Variants in SACM1L observed in about 807,000 individuals in gnomAD.
SACM1L encodes the protein phosphatidylinositol-3-phosphatase SAC1.
Under a neutral mutation model 89.5 loss-of-function variants are expected in SACM1L, and 32 were observed. The observed-to-expected ratio is 0.36, with a 90% CI of 0.27 to 0.48. The LOEUF (loss-of-function observed/expected upper bound fraction) is 0.48. Ranked by LOEUF, SACM1L falls within the 20% of genes least tolerant of loss-of-function variation. The pLI is 0.99. For missense variants in SACM1L, 543 were observed against 708.5 expected, an observed-to-expected ratio of 0.77 and a Z score of 2.65; for synonymous variants, 213 against 232.8, an observed-to-expected ratio of 0.92 and a Z score of 0.77.
intron 1 of SACM1L, among the ~76,000 whole-genome samples, chr3:45,692,271 G>A (rs1396685551): frequency 6.6e-6 from 1 of 151,976 alleles, no homozygotes; most frequent in African/African-American, 2.4e-5. Context: ...TCTGTAAAAT[G>A]GGAATGTTGA....
chr3:45,742,890 T>G (rs1357746807), intron 19 of SACM1L: 2 of 152,180 alleles, frequency 1.3e-5, no homozygotes, highest in African/African-American at 4.8e-5. Flanking sequence ...GGACAAAACT[T>G]TCATGCTGAT....
chr3:45,733,358 A>G (rs560712845), intron 13 of SACM1L, among the ~76,000 whole-genome samples: 14 of 152,326 alleles, frequency 9.2e-5, no homozygotes, highest in African/African-American at 3.4e-4. Context: ...ACCCAGGGCC[A>G]CTTAGTTATC....
intron 19 of SACM1L, among the ~76,000 whole-genome samples, chr3:45,741,347 A>G (rs1455522265): frequency 6.6e-6 from 1 of 151,998 alleles, no homozygotes; most frequent in Non-Finnish European, 1.5e-5. Context: ...ATAGGGAGTT[A>G]TTTTTCAGAG....
chr3:45,696,330 A>G (rs1007585776), intron 1 of SACM1L, among the ~76,000 whole-genome samples: 3 of 152,178 alleles, frequency 2.0e-5, no homozygotes, highest in Admixed American at 6.5e-5. Flanking sequence ...ATAATATTCC[A>G]TTATATGTAT....
At chr3:45,734,932 G>A (rs2125704722) in intron 13 of SACM1L, 1 of 238,242 alleles carries the variant, frequency 4.2e-6, no homozygotes, top group East Asian at 8.8e-5. Flanking sequence ...ATCTGGCTTT[G>A]GGAAACATGA....
intron 13 of SACM1L, 73 bp from the exon 14 acceptor site, chr3:45,735,162 A>C (rs1161172349): frequency 7.4e-7 from 1 of 1,344,986 alleles, no homozygotes; most frequent in African/African-American, 1.5e-5. Flanking sequence ...AATGAGACCC[A>C]TGTTATAAGA....
At chr3:45,734,991 A>G (rs1403938072) in intron 13 of SACM1L, 1 of 396,828 alleles carries the variant, frequency 2.5e-6, no homozygotes, top group East Asian at 4.0e-5. Flanking sequence ...ACTTTTTCAC[A>G]TCTTTGGGGT....
At chr3:45,700,910 G>A (rs1698250658) in intron 1 of SACM1L, among the ~76,000 whole-genome samples, 1 of 152,176 alleles carries the variant, frequency 6.6e-6, no homozygotes. Context: ...GACCTTAAAT[G>A]ATCCACCTGC....
chr3:45,697,268 CCTTTTTTT>C (rs1374998854), intron 1 of SACM1L, among the ~76,000 whole-genome samples: 2 of 110,612 alleles, frequency 1.8e-5, no homozygotes, highest in African/African-American at 8.3e-5. Context: ...CTTTTCTTTT[CCTTTTTTT>C]TTTTTTTTTT....
chr3:45,723,043 A>G, intron 10 of SACM1L, 88 bp downstream of exon 10: 2 of 1,121,400 alleles, frequency 1.8e-6, no homozygotes, highest in Non-Finnish European at 2.6e-6. Flanking sequence ...TTTATTCCGC[A>G]TAAATCAATG....
chr3:45,721,995 T>G lies in SACM1L; in HGVS notation c.680-5T>G. 6.3e-7 allele frequency: 1 copy of G among 1,597,744 alleles called. No individual in the cohort carries two copies. The highest frequency in any genetic ancestry group is 8.6e-7 in the Non-Finnish European group (1 of 1,166,272). ...TAGTTAATTCTTAATTTTTTTTCTATTTAGGAATTGATTCGGAAGGCCATG... is the reference window on the plus strand; with the variant it reads ...TAGTTAATTCTTAATTTTTTTTCTAGTTAGGAATTGATTCGGAAGGCCATG... On this transcript the variant is annotated splice_polypyrimidine_tract_variant and splice_region_variant and intron_variant, in intron 8 of 19. Transcript: ENST00000389061.
At chr3:45,691,370 G>C (rs2125677982) in intron 1 of SACM1L, among the ~76,000 whole-genome samples, 1 of 152,232 alleles carries the variant, frequency 6.6e-6, no homozygotes, top group African/African-American at 2.4e-5. Context: ...CCTGCTCTGA[G>C]GCTGCTGTTG....
chr3:45,708,268 A>G (rs552322946), intron 4 of SACM1L, among the ~76,000 whole-genome samples: 3 of 152,170 alleles, frequency 2.0e-5, no homozygotes, highest in Non-Finnish European at 4.4e-5. Flanking sequence ...CGGAGTGTGT[A>G]TGAAACTTAC....
At chr3:45,723,423 T>G in intron 10 of SACM1L, 52 bp from the exon 11 acceptor site, 1 of 718,088 alleles carries the variant, frequency 1.4e-6, no homozygotes, top group East Asian at 3.4e-5. Context: ...TAAATTATAT[T>G]TATAAATTAC....
intron 3 of SACM1L, 121 bp downstream of exon 3, chr3:45,705,330 T>G: frequency 1.8e-4 from 92 of 509,768 alleles, no homozygotes; most frequent in Middle Eastern, 2.9e-4. Flanking sequence ...AGTAAATCTC[T>G]TGGTTAAGTA....
intron 18 of SACM1L, 31 bp downstream of exon 18, chr3:45,738,904 T>TA: frequency 1.5e-6 from 2 of 1,369,986 alleles, no homozygotes; most frequent in Non-Finnish European, 2.1e-6. Context: ...TTTCAAGTTT[T>TA]TAAAAGCATT....
intron 11 of SACM1L, among the ~76,000 whole-genome samples, chr3:45,726,869 C>CTTTTTTTTTTTTTT: frequency 1.9e-5 from 1 of 52,344 alleles, no homozygotes; most frequent in East Asian, 3.7e-4. Context: ...TGCTTTATTT[C>CTTTTTTTTTTTTTT]TTTTTTTTTT....
At chr3:45,725,493 CT>C (rs1400853158) in intron 11 of SACM1L, among the ~76,000 whole-genome samples, 8 of 151,808 alleles carry the variant, frequency 5.3e-5, no homozygotes, top group African/African-American at 1.9e-4. Flanking sequence ...TTGTACTTTC[CT>C]TTTTGGATAT....
At chr3:45,714,123 T>C in intron 7 of SACM1L, 44 bp downstream of exon 7, 1 of 1,298,654 alleles carries the variant, frequency 7.7e-7, no homozygotes, top group Non-Finnish European at 1.1e-6. Flanking sequence ...GATGCCTTTA[T>C]TTAAATTTTA....
Sources: gnomAD v4.1 joint callset for allele counts (sites outside exome capture counted in the v4.1 genomes callset) on GRCh38, gnomAD v4.1.1 for gene constraint, MANE v1.5 for transcripts, NCBI Gene and HGNC (gene_info 2026-07-23, HGNC 2026-07-21) for gene names.